Variants in DGKB observed in about 807,000 individuals in gnomAD.
DGKB encodes the protein 90 kDa diacylglycerol kinase.
Under a neutral mutation model 114.3 loss-of-function variants are expected in DGKB, and 67 were observed. That is an observed-to-expected ratio of 0.59 (90% confidence interval 0.48 to 0.72). DGKB has a LOEUF of 0.72. Among genes scored for constraint, DGKB ranks in the 30% least tolerant of loss-of-function variants. The probability of loss-of-function intolerance (pLI) is 0.00; values close to 1 mark genes in which losing one functional copy is unlikely to be tolerated. For synonymous variants in DGKB, 398 were observed against 323.1 expected (o/e 1.23, Z -2.49); for missense variants, 907 against 975.2 (o/e 0.93, Z 0.93).
intron 1 of DGKB, among the ~76,000 whole-genome samples, chr7:14,912,141 G>A (rs376659720): frequency 3.9e-5 from 6 of 152,198 alleles, no homozygotes; most frequent in African/African-American, 1.4e-4. Context: ...ACATATATTA[G>A]ATGAACCGGA....
chr7:14,929,341 T>G (rs1784891564), intron 1 of DGKB, among the ~76,000 whole-genome samples: 1 of 152,126 alleles, frequency 6.6e-6, no homozygotes, highest in African/African-American at 2.4e-5. Context: ...TAAAGTACTT[T>G]CCCATCAACA....
chr7:14,424,518 C>G lies in DGKB; in HGVS notation c.1835+53643G>C, dbSNP rs188862878. Among the ~76,000 whole-genome samples the G allele has an allele frequency of 4.2e-3, 638 of 152,022 alleles. 6 individuals carry two copies. The highest frequency in any genetic ancestry group is 0.015 in the African/African-American group (620 of 41,480). Reference sequence around the variant, plus strand: ...GAAGCTTTTTTATATTAATAATAACCATCCCTTATATTCTAGGCATTCTGC... The same window carrying G: ...GAAGCTTTTTTATATTAATAATAACGATCCCTTATATTCTAGGCATTCTGC... On this transcript the variant is annotated intron_variant, in intron 21 of 25. Transcript: ENST00000402815.
At chr7:14,550,007 T>C (rs77341483) in intron 20 of DGKB, among the ~76,000 whole-genome samples, 5,530 of 151,956 alleles carry the variant, frequency 0.036, 199 homozygotes, top group East Asian at 0.2. Flanking sequence ...CAAAAAACTT[T>C]AGCCATTAGT....
intron 23 of DGKB, among the ~76,000 whole-genome samples, chr7:14,243,792 A>T (rs1794011996): frequency 6.6e-6 from 1 of 152,116 alleles, no homozygotes; most frequent in Non-Finnish European, 1.5e-5. Flanking sequence ...ATATTGTCAG[A>T]TCTTGCTTCA....
At chr7:14,366,184 G>A in intron 21 of DGKB, among the ~76,000 whole-genome samples, 1 of 152,070 alleles carries the variant, frequency 6.6e-6, no homozygotes, top group Non-Finnish European at 1.5e-5. Context: ...ATCAATACCA[G>A]AGTTTATCAT....
chr7:14,330,580 T>G (rs957737119), intron 23 of DGKB, among the ~76,000 whole-genome samples: 1 of 152,172 alleles, frequency 6.6e-6, no homozygotes, highest in Admixed American at 6.6e-5. Flanking sequence ...TTGTCAGATT[T>G]TGTTTTTAAA....
chr7:14,709,967 TA>T (rs543470972), intron 6 of DGKB, among the ~76,000 whole-genome samples: 1,505 of 123,690 alleles, frequency 0.012, 34 homozygotes, highest in African/African-American at 0.038. Context: ...AAAGTATAAT[TA>T]AAAAAAAAAA....
intron 1 of DGKB, among the ~76,000 whole-genome samples, chr7:14,898,997 T>G (rs1259651104): frequency 1.3e-5 from 2 of 152,184 alleles, no homozygotes; most frequent in African/African-American, 4.8e-5. Flanking sequence ...GAATTTCGGC[T>G]GTTTAAATTT....
At chr7:14,415,687 T>G (rs917498283) in intron 21 of DGKB, among the ~76,000 whole-genome samples, 3 of 152,178 alleles carry the variant, frequency 2.0e-5, no homozygotes, top group African/African-American at 7.2e-5. Context: ...ACATTTGGGT[T>G]GGTTCCAAGT....
rs62444605 is a variant in DGKB at position 14,391,933 on chromosome 7, T to A, written c.1836-46542A>T. Among the ~76,000 whole-genome samples the A allele has an allele frequency of 5.1e-3, 771 of 152,298 alleles. 5 individuals carry two copies. The highest frequency in any genetic ancestry group is 0.014 in the Middle Eastern group (4 of 294). On this transcript the variant is annotated intron_variant, in intron 21 of 25. Coordinates refer to ENST00000402815, the MANE Select transcript of DGKB (RefSeq NM_001350709.2). ...GAAATGATAGAATTTATTTGCAAAATTGAGTTGATTTTTCATGTTTGATTA... is the reference window on the plus strand; with the variant it reads ...GAAATGATAGAATTTATTTGCAAAAATGAGTTGATTTTTCATGTTTGATTA...
intron 21 of DGKB, among the ~76,000 whole-genome samples, chr7:14,439,845 A>T (rs983133912): frequency 1.4e-5 from 2 of 145,738 alleles, no homozygotes; most frequent in African/African-American, 5.2e-5. Context: ...AGCCTGGACG[A>T]CAGAGTGAGA....
At chr7:14,936,488 C>G (rs997940329) in intron 1 of DGKB, among the ~76,000 whole-genome samples, 5 of 152,126 alleles carry the variant, frequency 3.3e-5, no homozygotes, top group African/African-American at 9.7e-5. Context: ...ACAAATACCT[C>G]TAAAGTACTC....
intron 23 of DGKB, among the ~76,000 whole-genome samples, chr7:14,319,218 C>T (rs954203425): frequency 1.7e-4 from 25 of 151,476 alleles, no homozygotes; most frequent in Admixed American, 2.6e-4. Flanking sequence ...AGCACACCAG[C>T]GTGGCACATG....
chr7:14,919,755 C>G (rs938635444), intron 1 of DGKB, among the ~76,000 whole-genome samples: 1 of 152,186 alleles, frequency 6.6e-6, no homozygotes, highest in Non-Finnish European at 1.5e-5. Flanking sequence ...GGGTGTATCT[C>G]TCATGAATGG....
chr7:14,811,931 T>C (rs1221835580), intron 2 of DGKB, among the ~76,000 whole-genome samples: 1 of 152,134 alleles, frequency 6.6e-6, no homozygotes, highest in Non-Finnish European at 1.5e-5. Context: ...TCTTTACTCA[T>C]CAAACTAACT....
At chr7:14,491,111 A>G (rs1273753554) in intron 20 of DGKB, among the ~76,000 whole-genome samples, 1 of 152,072 alleles carries the variant, frequency 6.6e-6, no homozygotes. Flanking sequence ...TGCTACTTCC[A>G]TATTGATATG....
intron 6 of DGKB, among the ~76,000 whole-genome samples, chr7:14,713,809 C>T (rs1324990863): frequency 6.6e-6 from 1 of 151,454 alleles, no homozygotes; most frequent in African/African-American, 2.4e-5. Flanking sequence ...AATATTGATT[C>T]CCTATTGATT....
chr7:14,900,299 C>T (rs217598), intron 1 of DGKB, among the ~76,000 whole-genome samples: 107,729 of 152,008 alleles, frequency 0.71, 38,238 homozygotes, highest in Admixed American at 0.78. Context: ...AGAGAGGCAA[C>T]AGGAATAGGC....
chr7:14,398,080 G>A (rs552235392), intron 21 of DGKB, among the ~76,000 whole-genome samples: 31 of 152,170 alleles, frequency 2.0e-4, no homozygotes, highest in African/African-American at 7.2e-4. Flanking sequence ...TTTACGCATT[G>A]GAGAAATGCA....
Sources: gnomAD v4.1 joint callset for allele counts (sites outside exome capture counted in the v4.1 genomes callset) on GRCh38, gnomAD v4.1.1 for gene constraint, MANE v1.5 for transcripts, NCBI Gene and HGNC (gene_info 2026-07-23, HGNC 2026-07-21) for gene names.